Variants in XPR1 observed in about 807,000 individuals in gnomAD.
XPR1 encodes solute carrier family 53 member 1.
Under a neutral mutation model 87.5 loss-of-function variants are expected in XPR1, and 28 were observed. That is an observed-to-expected ratio of 0.32 (90% CI 0.24 to 0.44). XPR1 has a LOEUF of 0.44. Among genes scored for constraint, XPR1 ranks in the 20% least tolerant of loss-of-function variants. The pLI is 1.00. For synonymous variants in XPR1, 300 were observed against 306.1 expected, an observed-to-expected ratio of 0.98 and a Z score of 0.21; for missense variants, 559 against 862.3, an observed-to-expected ratio of 0.65 and a Z score of 4.41.
At chr1:180,813,056 A>G (rs1650282727) in intron 7 of XPR1, among the ~76,000 whole-genome samples, 1 of 129,500 alleles carries the variant, frequency 7.7e-6, no homozygotes, top group East Asian at 3.0e-4. Flanking sequence ...CCCCCAATGG[A>G]AGTTAGATCA....
At chr1:180,681,840 T>C (rs1327273559) in intron 1 of XPR1, among the ~76,000 whole-genome samples, 5 of 151,974 alleles carry the variant, frequency 3.3e-5, no homozygotes, top group Admixed American at 2.0e-4. Context: ...TAAAATTTCA[T>C]TAAAAAAAGT....
At chr1:180,848,438 T>G (rs931567722) in intron 11 of XPR1, among the ~76,000 whole-genome samples, 17 of 152,188 alleles carry the variant, frequency 1.1e-4, no homozygotes, top group African/African-American at 4.1e-4. Flanking sequence ...CCTGGCTTAT[T>G]TCACATAATG....
chr1:180,720,317 C>G (rs527275968), intron 2 of XPR1, among the ~76,000 whole-genome samples: 1 of 152,266 alleles, frequency 6.6e-6, no homozygotes, highest in Non-Finnish European at 1.5e-5. Flanking sequence ...AATTTCTAGA[C>G]TTTCAAATTC....
intron 11 of XPR1, among the ~76,000 whole-genome samples, chr1:180,840,490 A>T (rs1651465813): frequency 6.6e-6 from 1 of 150,620 alleles, no homozygotes; most frequent in Non-Finnish European, 1.5e-5. Context: ...TTGGGAAATC[A>T]GTCAGACAAG....
rs1657388915 is a variant in XPR1, at chr1:180,702,699, ATTTCTTTATATTG to A, written c.121+20292_121+20304del. 2.6e-5 allele frequency among the ~76,000 whole-genome samples: 4 copies of A among 151,256 alleles called. No individual in the cohort carries two copies. The South Asian group carries it at 8.4e-4, about 32-fold the overall frequency. ...ATTCCGATCATGAATTATTTTCCTG[ATTTCTTTATATTG>A]TTTATCTGTGTTCTCATTGAGTTTC... is the stretch of plus-strand genomic sequence containing the variant. On this transcript the variant is annotated intron_variant, in intron 2 of 14. Transcript: ENST00000367590.
chr1:180,632,378 C>A, intron 1 of XPR1, 108 bp downstream of exon 1: 3 of 1,403,770 alleles, frequency 2.1e-6, no homozygotes, highest in African/African-American at 2.9e-5. Flanking sequence ...CCCGGGCAGA[C>A]TTTGACCCGC....
intron 2 of XPR1, among the ~76,000 whole-genome samples, chr1:180,688,600 C>T (rs1164584927): frequency 6.6e-6 from 1 of 152,070 alleles, no homozygotes; most frequent in Non-Finnish European, 1.5e-5. Context: ...GGTTTCCCAT[C>T]AGTGCATCAG....
intron 1 of XPR1, among the ~76,000 whole-genome samples, chr1:180,640,350 T>G (rs867991055): frequency 1.3e-5 from 2 of 152,212 alleles, no homozygotes; most frequent in East Asian, 1.9e-4. Context: ...ACACCTCTTA[T>G]AGCGTAGGTT....
chr1:180,674,482 C>T (rs1656296802), intron 1 of XPR1, among the ~76,000 whole-genome samples: 1 of 152,150 alleles, frequency 6.6e-6, no homozygotes, highest in South Asian at 2.1e-4. Flanking sequence ...TGGTCTTGAA[C>T]TCCTGACCTC....
chr1:180,696,711 T>A lies in XPR1; in HGVS notation c.121+14300T>A, dbSNP rs1461329817. Among the ~76,000 whole-genome samples, 3 of 152,290 alleles carry A rather than the reference T, an allele frequency of 2.0e-5. No homozygotes were observed. The East Asian group carries it at 5.8e-4, about 29-fold the overall frequency. ...TTTTATCATGAAAGGACATTGAATT[T>A]TATCAGATGCTTTTTTGTGTGTGTC... On this transcript the variant is annotated intron_variant, in intron 2 of 14. Transcript: ENST00000367590.
intron 2 of XPR1, among the ~76,000 whole-genome samples, chr1:180,754,197 C>G (rs1447184842): frequency 1.3e-5 from 2 of 152,156 alleles, no homozygotes; most frequent in Non-Finnish European, 2.9e-5. Flanking sequence ...AAAGCAAGAT[C>G]CTAGTATGTC....
intron 8 of XPR1, 86 bp downstream of exon 8, chr1:180,825,029 C>A (rs1269239370): frequency 2.7e-6 from 4 of 1,508,122 alleles, no homozygotes; most frequent in Non-Finnish European, 3.6e-6. Context: ...TAAATCCATC[C>A]TCTACTTGAA....
intron 14 of XPR1, among the ~76,000 whole-genome samples, chr1:180,883,064 A>G (rs1022268155): frequency 6.7e-6 from 1 of 149,208 alleles, no homozygotes; most frequent in Non-Finnish European, 1.5e-5. Context: ...CTGGGCTGAA[A>G]TGATCCTCCT....
chr1:180,813,929 A>T (rs1650314784), intron 7 of XPR1, among the ~76,000 whole-genome samples: 1 of 152,190 alleles, frequency 6.6e-6, no homozygotes, highest in African/African-American at 2.4e-5. Context: ...TTGAATATCC[A>T]TAATATTCCA....
chr1:180,735,428 C>CT (rs1285986948), intron 2 of XPR1, among the ~76,000 whole-genome samples: 1 of 152,116 alleles, frequency 6.6e-6, no homozygotes, highest in Admixed American at 6.6e-5. Flanking sequence ...GAGCTTGATC[C>CT]TTTAAGTTTT....
At chr1:180,764,788 CTTT>C (rs60659660) in intron 2 of XPR1, among the ~76,000 whole-genome samples, 7 of 129,686 alleles carry the variant, frequency 5.4e-5, no homozygotes, top group Admixed American at 8.1e-5. Context: ...AATTTTTTTT[CTTT>C]TTTTTTTTTT....
rs1241511399 is a variant in XPR1, at chr1:180,659,333, TTCCTTCCGTCCTTCCTTCCG to T, written c.70-23011_70-22992del. ...TTGGCCTGTAGTCTGTCTTCCTTCC[TTCCTTCCGTCCTTCCTTCCG>T]TCCTTCCGTCCTTCCGTCCGTCCTT... On this transcript the variant is annotated intron_variant, in intron 1 of 14. Transcript: ENST00000367590. 3.6e-3 allele frequency among the ~76,000 whole-genome samples: 485 copies of T among 135,332 alleles called. 9 individuals carry two copies. Among genetic ancestry groups the T allele is most frequent in the African/African-American group, 0.013 (463 of 35,474 alleles). 88.8% of individuals were successfully genotyped at this position (135,332 alleles called of 152,430 possible).
At chr1:180,718,087 A>G (rs1264686036) in intron 2 of XPR1, among the ~76,000 whole-genome samples, 2 of 152,160 alleles carry the variant, frequency 1.3e-5, no homozygotes, top group South Asian at 2.1e-4. Context: ...CATTAATGCT[A>G]TGTATTAAGT....
At chr1:180,769,085 A>G (rs997182605) in intron 2 of XPR1, among the ~76,000 whole-genome samples, 1 of 152,038 alleles carries the variant, frequency 6.6e-6, no homozygotes, top group Admixed American at 6.6e-5. Flanking sequence ...TTTTAACTCA[A>G]TATTTTTTCG....
Sources: gnomAD v4.1 joint callset for allele counts (sites outside exome capture counted in the v4.1 genomes callset) on GRCh38, gnomAD v4.1.1 for gene constraint, MANE v1.5 for transcripts, NCBI Gene and HGNC (gene_info 2026-07-23, HGNC 2026-07-21) for gene names.